PLCB1: variants seen among roughly 807,000 people sequenced by gnomAD.
The protein encoded by PLCB1 is phospholipase C beta 1.
A neutral mutation model predicts 161.8 loss-of-function variants in PLCB1; 46 were observed. The ratio of observed to expected loss-of-function variants is 0.28; its 90% confidence interval spans 0.22 to 0.36. The LOEUF (loss-of-function observed/expected upper bound fraction) is 0.36. Ranked by LOEUF, PLCB1 falls within the 10% of genes least tolerant of loss-of-function variation. PLCB1 has a pLI of 1.00. For synonymous variants in PLCB1, 517 were observed against 503.7 expected (o/e 1.03, Z -0.35); for missense variants, 1,016 against 1,472.5 (o/e 0.69, Z 5.07).
At chr20:8,773,621 G>C (rs894016156) in intron 26 of PLCB1, among the ~76,000 whole-genome samples, 1 of 152,174 alleles carries the variant, frequency 6.6e-6, no homozygotes, top group African/African-American at 2.4e-5. Context: ...AAAGATATCA[G>C]TGAAGTTGGT....
chr20:8,750,271 T>G (rs567557955), intron 23 of PLCB1, among the ~76,000 whole-genome samples: 1 of 152,182 alleles, frequency 6.6e-6, no homozygotes, highest in South Asian at 2.1e-4. Flanking sequence ...ACACCAAAAG[T>G]ACTTTACTTG....
chr20:8,661,707 G>T (rs1025493115), intron 9 of PLCB1, among the ~76,000 whole-genome samples: 34 of 151,582 alleles, frequency 2.2e-4, no homozygotes, highest in African/African-American at 8.0e-4. Context: ...TAGTCATTCA[G>T]TAAATGGCCT....
chr20:8,232,207 G>A (rs904881452), intron 2 of PLCB1, among the ~76,000 whole-genome samples: 3 of 149,478 alleles, frequency 2.0e-5, no homozygotes, highest in Admixed American at 1.3e-4. Flanking sequence ...AACATAGCAA[G>A]AGCGCATCTC....
At chr20:8,551,413 AT>A (rs2122993360) in intron 3 of PLCB1, among the ~76,000 whole-genome samples, 1 of 152,326 alleles carries the variant, frequency 6.6e-6, no homozygotes, top group African/African-American at 2.4e-5. Context: ...CAAAATATGA[AT>A]GTACCCTCAG....
At chr20:8,394,818 G>A (rs1987716087) in intron 3 of PLCB1, among the ~76,000 whole-genome samples, 1 of 152,032 alleles carries the variant, frequency 6.6e-6, no homozygotes, top group African/African-American at 2.4e-5. Flanking sequence ...GCCATCTATA[G>A]TATATAGGCT....
intron 2 of PLCB1, among the ~76,000 whole-genome samples, chr20:8,223,937 A>AATTTTAGTGAGATTTG (rs558613412): frequency 4.2e-4 from 64 of 152,288 alleles, no homozygotes; most frequent in African/African-American, 1.5e-3. Context: ...TTAATAGGTA[A>AATTTTAGTGAGATTTG]ATTTTAGTGA....
In PLCB1 at chr20:8,626,196, GA is replaced by G. The variant is rs1488994450; in HGVS notation, c.247-2094del. Among the ~76,000 whole-genome samples the G allele has an allele frequency of 9.3e-3, 1,179 of 127,278 alleles. 22 individuals are homozygous for G. Among genetic ancestry groups the G allele is most frequent in the African/African-American group, 0.033 (1,113 of 33,950 alleles). The allele number at this position is 127,278 out of a possible 152,430, so 83.5% of individuals were successfully genotyped here. A position where few individuals can be genotyped will look rare whatever the true frequency, so the allele number is the denominator to read the frequency against. ...CCATCTCAAAAAAAAAAAAAAAAAA[GA>G]AAAGATATATGAGCAACAATTACTG... On this transcript the variant is annotated intron_variant, in intron 3 of 31. Transcript: ENST00000338037.
intron 3 of PLCB1, among the ~76,000 whole-genome samples, chr20:8,612,145 G>A (rs944991000): frequency 6.6e-5 from 10 of 152,000 alleles, no homozygotes; most frequent in African/African-American, 2.4e-4. Flanking sequence ...AAGCTTGAGG[G>A]CAAAGACTGT....
intron 31 of PLCB1, among the ~76,000 whole-genome samples, chr20:8,840,879 C>T (rs1409442328): frequency 1.3e-5 from 2 of 152,036 alleles, no homozygotes; most frequent in Admixed American, 6.5e-5. Flanking sequence ...TGCAGTGGTG[C>T]GATCTCAGCA....
chr20:8,883,538 C>CTT lies in PLCB1; in HGVS notation c.*1690_*1691dup, dbSNP rs1382751435. The stretch of plus-strand genomic sequence containing the variant: ...GTCTGACTGTAGCTTTGTGAAATAT[C>CTT]TTAAAACGCAAAAACCAATTGTGTC... On this transcript the variant is annotated 3_prime_UTR_variant, in exon 32 of 32. Transcript: ENST00000338037. 2 of 151,952 alleles carry CTT rather than the reference C, an allele frequency of 1.3e-5. No homozygotes were observed. Among genetic ancestry groups the CTT allele is most frequent in the Non-Finnish European group, 2.9e-5 (2 of 67,938 alleles). 9.4% of individuals were successfully genotyped at this position (151,952 alleles called of 1,614,324 possible). A position where few individuals can be genotyped will look rare whatever the true frequency, so the allele number is the denominator to read the frequency against.
intron 2 of PLCB1, among the ~76,000 whole-genome samples, chr20:8,167,047 A>G (rs1323115538): frequency 6.6e-6 from 1 of 152,156 alleles, no homozygotes; most frequent in Non-Finnish European, 1.5e-5. Context: ...GGGGAAAGTA[A>G]CTTGTAGCAT....
chr20:8,169,310 A>G (rs1026701866), intron 2 of PLCB1, among the ~76,000 whole-genome samples: 1 of 152,130 alleles, frequency 6.6e-6, no homozygotes, highest in African/African-American at 2.4e-5. Flanking sequence ...AGGGTTCAAA[A>G]CCTGCCTTGA....
chr20:8,749,661 A>G (rs1006165596), intron 23 of PLCB1, among the ~76,000 whole-genome samples: 3 of 152,190 alleles, frequency 2.0e-5, no homozygotes, highest in African/African-American at 4.8e-5. Context: ...ATATACATAT[A>G]TTAAAGTTTG....
intron 3 of PLCB1, among the ~76,000 whole-genome samples, chr20:8,417,650 C>A (rs1165087149): frequency 2.0e-5 from 3 of 152,122 alleles, no homozygotes; most frequent in Non-Finnish European, 4.4e-5. Flanking sequence ...TAAAAGTGCC[C>A]ATGAAATGAT....
chr20:8,417,054 C>CTGTGT (rs1979318364), intron 3 of PLCB1, among the ~76,000 whole-genome samples: 1 of 38,010 alleles, frequency 2.6e-5, no homozygotes, highest in Non-Finnish European at 5.0e-5. Flanking sequence ...CACACACACA[C>CTGTGT]ATATATATAT....
At chr20:8,675,992 T>G (rs1349499233) in intron 9 of PLCB1, among the ~76,000 whole-genome samples, 1 of 152,206 alleles carries the variant, frequency 6.6e-6, no homozygotes, top group Non-Finnish European at 1.5e-5. Context: ...CAATCAGAAC[T>G]CCCACCTTAG....
rs572946512 is a variant in PLCB1, at chr20:8,225,878, A to C, written c.177+75507A>C. ...TTCATTTCAAGTTTATCTTTGTTTA[A>C]GCTGACCACAGCAAATATTTGATGT... On this transcript the variant is annotated intron_variant, in intron 2 of 31. Coordinates refer to ENST00000338037, the MANE Select transcript of PLCB1 (RefSeq NM_015192.4). Among the ~76,000 whole-genome samples the C allele has an allele frequency of 2.6e-5, 4 of 152,372 alleles. No homozygotes were observed. The East Asian group carries it at 7.7e-4, about 29-fold the overall frequency.
intron 31 of PLCB1, among the ~76,000 whole-genome samples, chr20:8,837,688 A>G (rs6086626): frequency 0.32 from 48,442 of 151,726 alleles, 8,653 homozygotes; most frequent in East Asian, 0.63. Flanking sequence ...ACATTGGGAG[A>G]GTCCTGGAGA....
At chr20:8,632,176 T>A (rs182996757) in intron 4 of PLCB1, among the ~76,000 whole-genome samples, 3 of 150,652 alleles carry the variant, frequency 2.0e-5, no homozygotes, top group Admixed American at 6.6e-5. Context: ...CTCATACTCA[T>A]GAGTTCTGTA....
Sources: allele counts gnomAD v4.1 joint callset (sites outside exome capture counted in the v4.1 genomes callset), GRCh38; gene constraint gnomAD v4.1.1; transcripts MANE v1.5; gene names NCBI Gene and HGNC (gene_info 2026-07-23, HGNC 2026-07-21).